WDR43: variants seen among roughly 807,000 people sequenced by gnomAD.
The protein encoded by WDR43 is WD repeat-containing protein 43.
A neutral mutation model predicts 91.4 loss-of-function variants in WDR43; 13 were observed. That is an observed-to-expected ratio of 0.14 (90% CI 0.09 to 0.23). The LOEUF is 0.23. WDR43 is among the 10% of genes least tolerant of loss of function. The pLI, the probability that WDR43 is intolerant of heterozygous loss-of-function variation, is 1.00. For synonymous variants in WDR43, 331 were observed against 287.9 expected, an observed-to-expected ratio of 1.15 and a Z score of -1.51; for missense variants, 780 against 809.4, an observed-to-expected ratio of 0.96 and a Z score of 0.44.
intron 10 of WDR43, among the ~76,000 whole-genome samples, chr2:28,928,793 C>T (rs1029107061): frequency 1.3e-5 from 2 of 152,006 alleles, no homozygotes; most frequent in African/African-American, 4.8e-5. Flanking sequence ...GTGATCCTCC[C>T]ACCTCAGCCT....
chr2:28,944,260 A>G (rs1671501078), intron 16 of WDR43, among the ~76,000 whole-genome samples: 1 of 133,652 alleles, frequency 7.5e-6, no homozygotes, highest in Admixed American at 8.0e-5. Flanking sequence ...TGTGCTGCCG[A>G]AGAGAGCACA....
At position 28,947,718 on chromosome 2, in the gene WDR43, T is replaced by C. The variant is rs1167256375; in HGVS notation, c.*939T>C. The C allele has an allele frequency of 6.6e-6, 1 of 151,898 alleles. No individual in the cohort carries two copies. The highest frequency in any genetic ancestry group is 1.5e-5 in the Non-Finnish European group (1 of 67,956). The allele number at this position is 151,898 out of a possible 1,614,324, so 9.4% of individuals were successfully genotyped here. A position where few individuals can be genotyped will look rare whatever the true frequency, so the allele number is the denominator to read the frequency against. ...AAAATATTTTTATAATTAAATAATT[T>C]AATGTTTTTCTTCCTTTTCATTACC... On this transcript the variant is annotated 3_prime_UTR_variant, in exon 18 of 18. Coordinates refer to ENST00000407426, the MANE Select transcript of WDR43 (RefSeq NM_015131.3).
At chr2:28,934,145 T>C (rs554445038) in intron 11 of WDR43, among the ~76,000 whole-genome samples, 1 of 152,276 alleles carries the variant, frequency 6.6e-6, no homozygotes, top group South Asian at 2.1e-4. Context: ...AATAGACCAG[T>C]AGTATTCATG....
intron 10 of WDR43, 155 bp downstream of exon 10, chr2:28,927,855 C>T: frequency 9.4e-7 from 1 of 1,066,984 alleles, no homozygotes; most frequent in African/African-American, 1.6e-5. Flanking sequence ...TCATAGATTT[C>T]ATAATTCTAG....
At chr2:28,903,970 C>T (rs1670626163) in intron 2 of WDR43, among the ~76,000 whole-genome samples, 2 of 152,000 alleles carry the variant, frequency 1.3e-5, no homozygotes, top group African/African-American at 2.4e-5. Context: ...ATAGCTGGCT[C>T]ATTTTTGTAT....
chr2:28,932,536 A>G (rs1671268556), intron 11 of WDR43, among the ~76,000 whole-genome samples: 1 of 152,212 alleles, frequency 6.6e-6, no homozygotes, highest in Non-Finnish European at 1.5e-5. Flanking sequence ...ATGCATTTAT[A>G]TATTCTGTAC....
At chr2:28,930,247 A>T in intron 11 of WDR43, 1 of 369,424 alleles carries the variant, frequency 2.7e-6, no homozygotes, top group Non-Finnish European at 5.5e-6. Context: ...GGAGGCATTT[A>T]TGATTTCTGT....
intron 3 of WDR43, among the ~76,000 whole-genome samples, chr2:28,912,303 C>A (rs184385420): frequency 6.6e-6 from 1 of 152,272 alleles, no homozygotes; most frequent in Admixed American, 6.5e-5. Flanking sequence ...ACCCATTTTA[C>A]ATTCTTATCA....
rs775865144 is a variant in WDR43 at position 28,894,736 on chromosome 2, C to A, written c.38C>A (p.Ala13Asp). Residue 13 changes from alanine (A) to aspartate (D), a missense_variant, in exon 1 of 18, where the codon GCC (alanine) becomes GAC (aspartate). By Grantham distance (126) the Ala-to-Asp change is moderately radical. This residue lies in a region of WDR43 where 175 missense variants were observed against 113.8 expected (regional missense o/e 1.54). Transcript: ENST00000407426. ...GGCGGCGGTAGCTGCGACCCCCTGG[C>A]CCCTGCTGGGGTCCCTTGCGCCTTC... ...AGGGGSCDPL[A>D]PAGVPCAFSP... The A allele has an allele frequency of 6.3e-7, 1 of 1,585,600 alleles. No homozygotes were observed. Among genetic ancestry groups the A allele is most frequent in the Admixed American group, 1.8e-5 (1 of 55,070 alleles).
intron 4 of WDR43, among the ~76,000 whole-genome samples, chr2:28,913,461 C>T (rs1431288385): frequency 1.3e-5 from 2 of 152,212 alleles, no homozygotes; most frequent in Non-Finnish European, 2.9e-5. Flanking sequence ...TCCTGAGTAG[C>T]TGGGAGTATA....
At chr2:28,913,590 A>G (rs1227818761) in intron 4 of WDR43, 2 of 505,686 alleles carry the variant, frequency 4.0e-6, no homozygotes, top group Non-Finnish European at 7.9e-6. Flanking sequence ...CACTTACTGT[A>G]TTTGACTGTG....
At chr2:28,935,490 T>C in intron 11 of WDR43, 31 bp from the exon 12 acceptor site, 1 of 1,474,520 alleles carries the variant, frequency 6.8e-7, no homozygotes. Flanking sequence ...GTCAGTATGC[T>C]CATCTTAATA....
At chr2:28,906,656 A>T in intron 3 of WDR43, 75 bp downstream of exon 3, 1 of 1,527,158 alleles carries the variant, frequency 6.5e-7, no homozygotes, top group Middle Eastern at 1.7e-4. Flanking sequence ...TGCAGACATT[A>T]ATAAGGTTAT....
rs115491158 is a variant in WDR43, at chr2:28,937,961, T to C, written c.1587T>C (p.Cys529=). Residue 529 remains cysteine (C), a synonymous_variant, in exon 14 of 18, where the codon TGT becomes TGC. Transcript: ENST00000407426. ...SAVLMVQWLK[C]VLTVHASYLS... is the part of the protein sequence containing the mutation. ...TGCTAATGGTTCAGTGGCTAAAATG[T>C]GTGTTAACAGTTCATGCATCATACC... 2,633 of 1,613,918 alleles carry C rather than the reference T, an allele frequency of 1.6e-3. 32 individuals are homozygous for C. The African/African-American group carries it at 0.026, about 16-fold the overall frequency.
intron 16 of WDR43, among the ~76,000 whole-genome samples, chr2:28,944,138 A>G (rs796779237): frequency 2.6e-5 from 4 of 152,312 alleles, no homozygotes; most frequent in African/African-American, 9.6e-5. Context: ...AAATAAAACA[A>G]CATATCCAAA....
intron 3 of WDR43, among the ~76,000 whole-genome samples, chr2:28,907,468 A>AAAAAAG (rs34947681): frequency 1.7e-5 from 2 of 120,280 alleles, no homozygotes; most frequent in African/African-American, 3.2e-5. Flanking sequence ...AAAAAAAAAA[A>AAAAAAG]TTGGGTGTGG....
chr2:28,895,693 C>G (rs567078373), intron 1 of WDR43: 4 of 152,152 alleles, frequency 2.6e-5, no homozygotes, highest in Non-Finnish European at 5.9e-5. Context: ...GGAAAACTGC[C>G]GAGTTAGGCA....
chr2:28,947,349 A>G lies in WDR43; in HGVS notation c.*570A>G, dbSNP rs1395859239. The stretch of plus-strand genomic sequence containing the variant: ...CTATTAACTGTGATAATCTGACTTG[A>G]GTCAGATTGAATATTTGGAGTGCTT... On this transcript the variant is annotated 3_prime_UTR_variant, in exon 18 of 18. Coordinates refer to ENST00000407426, the MANE Select transcript of WDR43 (RefSeq NM_015131.3). 6.6e-6 allele frequency: 1 copy of G among 152,202 alleles called. No individual in the cohort carries two copies. The highest frequency in any genetic ancestry group is 1.5e-5 in the Non-Finnish European group (1 of 68,038). 9.4% of individuals were successfully genotyped at this position (152,202 alleles called of 1,614,324 possible).
chr2:28,944,320 G>A (rs1418634230), intron 16 of WDR43, among the ~76,000 whole-genome samples: 2 of 152,268 alleles, frequency 1.3e-5, no homozygotes, highest in South Asian at 2.1e-4. Flanking sequence ...TAATGGATGG[G>A]CATTTGTAAA....
Sources: gnomAD v4.1 joint callset for allele counts (sites outside exome capture counted in the v4.1 genomes callset) on GRCh38, gnomAD v4.1.1 for gene constraint, gnomAD v4.1.1 regional missense constraint, MANE v1.5 for transcripts, NCBI Gene and HGNC (gene_info 2026-07-23, HGNC 2026-07-21) for gene names.